The following BICD1 variants were observed in gnomAD, a reference collection of about 807,000 sequenced individuals.
BICD1 encodes protein bicaudal D homolog 1.
BICD1 carries 35 observed loss-of-function variants against 92.5 expected under a neutral mutation model. That is an observed-to-expected ratio of 0.38 (90% CI 0.29 to 0.50). BICD1 has a LOEUF of 0.50. BICD1 is among the 20% of genes least tolerant of loss of function. The pLI, the probability that BICD1 is intolerant of heterozygous loss-of-function variation, is 0.93. For synonymous variants in BICD1, 429 were observed against 465.1 expected, an observed-to-expected ratio of 0.92 and a Z score of 1.00; for missense variants, 950 against 1,189.8, an observed-to-expected ratio of 0.80 and a Z score of 2.97.
intron 1 of BICD1, among the ~76,000 whole-genome samples, chr12:32,157,879 T>A (rs1388511974): frequency 1.3e-5 from 2 of 152,166 alleles, no homozygotes; most frequent in African/African-American, 2.4e-5. Flanking sequence ...GGAATTTGAC[T>A]GCCTGTTTAG....
At chr12:32,364,035 A>G (rs1444274789) in intron 8 of BICD1, among the ~76,000 whole-genome samples, 2 of 152,198 alleles carry the variant, frequency 1.3e-5, no homozygotes, top group Non-Finnish European at 2.9e-5. Flanking sequence ...CATCATCACC[A>G]TCACCATCAC....
At chr12:32,125,298 C>T (rs1257219472) in intron 1 of BICD1, among the ~76,000 whole-genome samples, 1 of 152,042 alleles carries the variant, frequency 6.6e-6, no homozygotes, top group African/African-American at 2.4e-5. Flanking sequence ...GAGCTCTTTC[C>T]ATACTAGACT....
chr12:32,141,845 G>A (rs1207830852), intron 1 of BICD1, among the ~76,000 whole-genome samples: 1 of 152,064 alleles, frequency 6.6e-6, no homozygotes, highest in Non-Finnish European at 1.5e-5. Context: ...TTTATTCGCC[G>A]TTCGTTGTAA....
chr12:32,207,515 T>A (rs1945094301), intron 1 of BICD1, among the ~76,000 whole-genome samples: 1 of 151,974 alleles, frequency 6.6e-6, no homozygotes, highest in South Asian at 2.1e-4. Context: ...TGTGATAGAT[T>A]TTTTTTAAAA....
chr12:32,226,269 G>A (rs1738040170), intron 2 of BICD1, among the ~76,000 whole-genome samples: 1 of 152,022 alleles, frequency 6.6e-6, no homozygotes, highest in Non-Finnish European at 1.5e-5. Flanking sequence ...TGAGTAGCTG[G>A]GACTACAGGC....
chr12:32,219,713 G>A (rs1486783560), intron 2 of BICD1, among the ~76,000 whole-genome samples: 1 of 152,102 alleles, frequency 6.6e-6, no homozygotes, highest in Non-Finnish European at 1.5e-5. Context: ...AAGAAGCTCT[G>A]CGGCTATGCT....
chr12:32,134,353 T>C (rs903181103), intron 1 of BICD1, among the ~76,000 whole-genome samples: 3 of 152,196 alleles, frequency 2.0e-5, no homozygotes, highest in African/African-American at 7.2e-5. Flanking sequence ...TGATATGATC[T>C]TTGTATGAAC....
intron 8 of BICD1, among the ~76,000 whole-genome samples, chr12:32,350,286 C>T (rs1002289179): frequency 2.6e-5 from 4 of 151,994 alleles, no homozygotes; most frequent in Non-Finnish European, 4.4e-5. Context: ...AGTTCAAGAC[C>T]AGCCTGGGCA....
At chr12:32,115,916 A>G (rs1472868687) in intron 1 of BICD1, among the ~76,000 whole-genome samples, 4 of 152,122 alleles carry the variant, frequency 2.6e-5, no homozygotes, top group Admixed American at 6.5e-5. Context: ...TGATTCAGGC[A>G]GTTGGGCTTT....
chr12:32,165,138 G>A (rs1432018131), intron 1 of BICD1, among the ~76,000 whole-genome samples: 1 of 152,164 alleles, frequency 6.6e-6, no homozygotes, highest in Non-Finnish European at 1.5e-5. Context: ...TAGGAAAATG[G>A]AATATTAGGA....
At chr12:32,147,545 A>G (rs1384949306) in intron 1 of BICD1, among the ~76,000 whole-genome samples, 1 of 152,228 alleles carries the variant, frequency 6.6e-6, no homozygotes, top group Non-Finnish European at 1.5e-5. Flanking sequence ...ATCATTCATT[A>G]TTTACCTCAA....
chr12:32,216,551 T>C, intron 2 of BICD1, 92 bp downstream of exon 2: 1 of 1,382,456 alleles, frequency 7.2e-7, no homozygotes, highest in Admixed American at 2.1e-5. Context: ...TTTGTTTTAA[T>C]CAGAGGAGCT....
chr12:32,247,408 G>A (rs1319443274), intron 2 of BICD1, among the ~76,000 whole-genome samples: 1 of 152,096 alleles, frequency 6.6e-6, no homozygotes, highest in Non-Finnish European at 1.5e-5. Flanking sequence ...CCTAAGGAAT[G>A]ACGAGAATAC....
intron 1 of BICD1, among the ~76,000 whole-genome samples, chr12:32,208,369 G>A (rs148991764): frequency 2.1e-4 from 32 of 152,250 alleles, no homozygotes; most frequent in Non-Finnish European, 3.5e-4. Context: ...TTTAAGCCTC[G>A]TGGCAGTATG....
intron 3 of BICD1, among the ~76,000 whole-genome samples, chr12:32,295,913 A>C (rs533535099): frequency 6.6e-6 from 1 of 152,200 alleles, no homozygotes. Context: ...TCAGCCTCCC[A>C]AAGTGCTGGG....
intron 1 of BICD1, among the ~76,000 whole-genome samples, chr12:32,156,961 A>T (rs1943456317): frequency 6.6e-6 from 1 of 152,226 alleles, no homozygotes; most frequent in Non-Finnish European, 1.5e-5. Context: ...TACATTTTAT[A>T]ACACATACAT....
intron 1 of BICD1, among the ~76,000 whole-genome samples, chr12:32,114,749 CAATTT>C (rs1941828573): frequency 2.0e-5 from 3 of 152,096 alleles, no homozygotes; most frequent in Admixed American, 1.3e-4. Context: ...GGGATATAAA[CAATTT>C]AATAATGTTT....
At chr12:32,232,084 G>A (rs1269538260) in intron 2 of BICD1, among the ~76,000 whole-genome samples, 13 of 151,464 alleles carry the variant, frequency 8.6e-5, no homozygotes, top group African/African-American at 2.4e-4. Context: ...CTGATTTATA[G>A]TCCTTTGGGT....
At chr12:32,127,636 C>G (rs1193251171) in intron 1 of BICD1, among the ~76,000 whole-genome samples, 2 of 152,202 alleles carry the variant, frequency 1.3e-5, no homozygotes, top group Non-Finnish European at 2.9e-5. Context: ...CCAGGAGTCA[C>G]TGGCTTTGGA....
Sources: gnomAD v4.1 joint callset for allele counts (sites outside exome capture counted in the v4.1 genomes callset) on GRCh38, gnomAD v4.1.1 for gene constraint, MANE v1.5 for transcripts, NCBI Gene and HGNC (gene_info 2026-07-23, HGNC 2026-07-21) for gene names.